Variants in SLC15A1 observed in about 807,000 individuals in gnomAD.
SLC15A1 encodes the protein Caco-2 oligopeptide transporter.
SLC15A1 carries 83 observed loss-of-function variants against 92.9 expected under a neutral mutation model. That is an observed-to-expected ratio of 0.89 (90% CI 0.75 to 1.07). The LOEUF is 1.07. Ranked by LOEUF, SLC15A1 falls within the 50% of genes least tolerant of loss-of-function variation. SLC15A1 has a pLI of 0.00. For missense variants in SLC15A1, 857 were observed against 880.1 expected (o/e 0.97, Z 0.33); for synonymous variants, 322 against 318.2 (o/e 1.01, Z -0.13).
chr13:98,691,567 T>C (rs933916445), intron 18 of SLC15A1, among the ~76,000 whole-genome samples: 1 of 152,224 alleles, frequency 6.6e-6, no homozygotes, highest in Non-Finnish European at 1.5e-5. Context: ...TCACAATACA[T>C]GGCGTATAGC....
chr13:98,699,502 G>C (rs1177383616), intron 18 of SLC15A1, among the ~76,000 whole-genome samples: 4 of 152,218 alleles, frequency 2.6e-5, no homozygotes, highest in Admixed American at 2.6e-4. Flanking sequence ...AGTGGTGGGT[G>C]TTTATGCATC....
intron 1 of SLC15A1, among the ~76,000 whole-genome samples, chr13:98,742,377 C>T (rs2088455684): frequency 6.6e-6 from 1 of 152,186 alleles, no homozygotes. Context: ...AAGTCTGTCG[C>T]CATCTGTCGT....
At chr13:98,690,785 T>C (rs2087969011) in intron 18 of SLC15A1, among the ~76,000 whole-genome samples, 1 of 152,254 alleles carries the variant, frequency 6.6e-6, no homozygotes, top group Non-Finnish European at 1.5e-5. Context: ...TACAAACCTG[T>C]GCAACGTTGG....
At chr13:98,717,761 C>T (rs543469232) in intron 8 of SLC15A1, among the ~76,000 whole-genome samples, 1 of 152,288 alleles carries the variant, frequency 6.6e-6, no homozygotes, top group East Asian at 1.9e-4. Context: ...ATTCCATGTA[C>T]TACTAAGATC....
chr13:98,708,219 T>C (rs1478741654), intron 15 of SLC15A1, among the ~76,000 whole-genome samples: 1 of 152,144 alleles, frequency 6.6e-6, no homozygotes, highest in Non-Finnish European at 1.5e-5. Flanking sequence ...GGAACTGATC[T>C]CAGACTACCA....
At chr13:98,733,097 T>C (rs1377254245) in intron 1 of SLC15A1, among the ~76,000 whole-genome samples, 1 of 152,102 alleles carries the variant, frequency 6.6e-6, no homozygotes, top group African/African-American at 2.4e-5. Context: ...AGTCAGGGAA[T>C]GTGGTGGCCT....
chr13:98,747,918 G>A (rs1212196206), intron 1 of SLC15A1, among the ~76,000 whole-genome samples: 4 of 152,122 alleles, frequency 2.6e-5, no homozygotes, highest in African/African-American at 4.8e-5. Context: ...CAAGGGAATC[G>A]AAAATGGAAT....
intron 18 of SLC15A1, among the ~76,000 whole-genome samples, chr13:98,696,014 A>G (rs1405710055): frequency 6.6e-6 from 1 of 151,916 alleles, no homozygotes; most frequent in Non-Finnish European, 1.5e-5. Flanking sequence ...TTAAAAGGAA[A>G]AAAGCTTCCA....
At chr13:98,731,292 G>T (rs1156298319) in intron 1 of SLC15A1, among the ~76,000 whole-genome samples, 3 of 152,232 alleles carry the variant, frequency 2.0e-5, no homozygotes, top group African/African-American at 7.2e-5. Flanking sequence ...CACCAGGCAG[G>T]GAAAGCGCCA....
At chr13:98,709,045 G>A (rs1315192985) in intron 14 of SLC15A1, among the ~76,000 whole-genome samples, 1 of 147,052 alleles carries the variant, frequency 6.8e-6, no homozygotes, top group African/African-American at 2.6e-5. Context: ...TCAGCTCACT[G>A]CAACCTCTGC....
intron 7 of SLC15A1, chr13:98,720,777 G>T: frequency 4.1e-6 from 1 of 241,468 alleles, no homozygotes; most frequent in Non-Finnish European, 8.2e-6. Flanking sequence ...TTAGCCAGGC[G>T]TGGTGGCTCA....
chr13:98,699,814 A>ATTG (rs2088053326), intron 18 of SLC15A1, among the ~76,000 whole-genome samples: 2 of 152,190 alleles, frequency 1.3e-5, no homozygotes, highest in African/African-American at 4.8e-5. Flanking sequence ...CAGCCACCTG[A>ATTG]TAGGTGTGTT....
rs1257314081 is a variant in SLC15A1 at position 98,715,895 on chromosome 13, C to T, written c.706G>A (p.Val236Met). Residue 236 changes from valine to methionine, a missense_variant, in exon 9 of 23, where the codon GTG (valine) becomes ATG (methionine). By Grantham distance (21) the Val-to-Met change is conservative (BLOSUM62 1). Coordinates refer to ENST00000376503, the MANE Select transcript of SLC15A1 (RefSeq NM_005073.4). ...FKPQGNIMGK[V>M]AKCIGFAIKN... ...ATACTTACACCGATGCACTTGGCCA[C>T]TTTACCCATGATGTTGCCCTGTGGC... is the stretch of plus-strand genomic sequence containing the variant. The T allele has an allele frequency of 6.2e-7, 1 of 1,614,066 alleles. No individual in the cohort carries two copies.
intron 1 of SLC15A1, among the ~76,000 whole-genome samples, chr13:98,734,233 G>T (rs1251485566): frequency 6.6e-6 from 1 of 152,158 alleles, no homozygotes; most frequent in Non-Finnish European, 1.5e-5. Flanking sequence ...CCAAAGTGCT[G>T]GGATTATAGG....
intron 4 of SLC15A1, among the ~76,000 whole-genome samples, chr13:98,724,804 T>G (rs1364191531): frequency 6.6e-6 from 1 of 152,214 alleles, no homozygotes; most frequent in Non-Finnish European, 1.5e-5. Context: ...TTACTTATAT[T>G]CTGATTGGTA....
chr13:98,698,706 G>A (rs1459469268), intron 18 of SLC15A1, among the ~76,000 whole-genome samples: 1 of 152,104 alleles, frequency 6.6e-6, no homozygotes, highest in African/African-American at 2.4e-5. Flanking sequence ...CAAAGTGCTG[G>A]GATTACAGGC....
intron 4 of SLC15A1, among the ~76,000 whole-genome samples, chr13:98,724,970 G>A (rs1309237458): frequency 6.6e-6 from 1 of 152,162 alleles, no homozygotes; most frequent in Admixed American, 6.5e-5. Context: ...GGGGCCTGGT[G>A]GGAGGTGTGT....
At chr13:98,748,038 A>G (rs1450173632) in intron 1 of SLC15A1, among the ~76,000 whole-genome samples, 2 of 151,900 alleles carry the variant, frequency 1.3e-5, no homozygotes, top group African/African-American at 2.4e-5. Flanking sequence ...TCAGACAAAC[A>G]CTCCTAGTTG....
At chr13:98,708,620 G>T in intron 15 of SLC15A1, 66 bp downstream of exon 15, 1 of 1,389,420 alleles carries the variant, frequency 7.2e-7, no homozygotes, top group Admixed American at 2.0e-5. Flanking sequence ...GCTGAAGAAA[G>T]AAGATTCTGA....
Sources: allele counts gnomAD v4.1 joint callset (sites outside exome capture counted in the v4.1 genomes callset), GRCh38; gene constraint gnomAD v4.1.1; transcripts MANE v1.5; gene names NCBI Gene and HGNC (gene_info 2026-07-23, HGNC 2026-07-21).